SEL1L2: variants seen among roughly 807,000 people sequenced by gnomAD.
The protein encoded by SEL1L2 is SEL1L2 adaptor subunit of SYVN1 ubiquitin ligase, also known as protein sel-1 homolog 2.
Under a neutral mutation model 98.8 loss-of-function variants are expected in SEL1L2, and 89 were observed. The ratio of observed to expected loss-of-function variants is 0.90; its 90% CI spans 0.76 to 1.07. The LOEUF (loss-of-function observed/expected upper bound fraction) is 1.07, where lower values mean the gene tolerates loss of function less well. Ranked by LOEUF, SEL1L2 falls within the 50% of genes least tolerant of loss-of-function variation. The pLI, the probability that SEL1L2 is intolerant of heterozygous loss-of-function variation, is 0.00. For synonymous variants in SEL1L2, 262 were observed against 278.5 expected, an observed-to-expected ratio of 0.94 and a Z score of 0.59; for missense variants, 788 against 812.0, an observed-to-expected ratio of 0.97 and a Z score of 0.36.
chr20:13,902,896 T>C (rs1387994601), intron 5 of SEL1L2, among the ~76,000 whole-genome samples: 2 of 151,980 alleles, frequency 1.3e-5, no homozygotes, highest in Non-Finnish European at 2.9e-5. Context: ...GGCGGGCGGA[T>C]CATGAGGTCA....
At chr20:13,851,448 G>T (rs1221995646) in intron 18 of SEL1L2, 1 of 152,148 alleles carries the variant, frequency 6.6e-6, no homozygotes, top group East Asian at 1.9e-4. Flanking sequence ...TACGCAGTAG[G>T]TCTTTGATAA....
At chr20:13,957,129 G>A (rs2050577057) in intron 1 of SEL1L2, among the ~76,000 whole-genome samples, 1 of 150,560 alleles carries the variant, frequency 6.6e-6, no homozygotes, top group South Asian at 2.1e-4. Context: ...TGGACACAGA[G>A]TCTCACTCTG....
chr20:13,864,442 A>T (rs1368083323), intron 17 of SEL1L2, among the ~76,000 whole-genome samples: 3 of 152,202 alleles, frequency 2.0e-5, no homozygotes, highest in African/African-American at 2.4e-5. Context: ...ACATATCCAA[A>T]TGCCAATGGT....
chr20:13,915,181 G>A lies in SEL1L2; in HGVS notation c.387-1237C>T, dbSNP rs1201990258. 3.9e-6 allele frequency: 5 copies of A among 1,289,632 alleles called. No individual in the cohort carries two copies. In the South Asian group the frequency reaches 6.2e-5, roughly 16 times the overall value. The allele number at this position is 1,289,632 out of a possible 1,614,324, so 79.9% of individuals were successfully genotyped here. ...AAGCTGCTCTTGGGCAGAAGCTGGAGCAGAGTAGTCCAGGCAAGAAGGACC... is the reference window on the plus strand; with the variant it reads ...AAGCTGCTCTTGGGCAGAAGCTGGAACAGAGTAGTCCAGGCAAGAAGGACC... On this transcript the variant is annotated intron_variant, in intron 4 of 19. Coordinates refer to ENST00000284951, the MANE Select transcript of SEL1L2 (RefSeq NM_025229.2).
chr20:13,920,118 C>T (rs921284999), intron 3 of SEL1L2, among the ~76,000 whole-genome samples: 1 of 148,940 alleles, frequency 6.7e-6, no homozygotes, highest in Non-Finnish European at 1.5e-5. Context: ...GTCCCAGTTA[C>T]TTGGGAGGCT....
chr20:13,928,368 T>G lies in SEL1L2; in HGVS notation c.283+3235A>C, dbSNP rs546815043. 2.0e-5 allele frequency: 3 copies of G among 152,384 alleles called. No homozygotes were observed. In the East Asian group the frequency reaches 5.8e-4, roughly 29 times the overall value. 9.4% of individuals were successfully genotyped at this position (152,384 alleles called of 1,614,324 possible). On this transcript the variant is annotated intron_variant, in intron 3 of 19. Transcript: ENST00000284951. ...GGAGGGGGTGTTTACCAGCCACGAA[T>G]GCTTGTTAAGACATGACCCCAGGCC...
chr20:13,966,509 G>A (rs1169188197), intron 1 of SEL1L2, among the ~76,000 whole-genome samples: 2 of 152,074 alleles, frequency 1.3e-5, no homozygotes, highest in African/African-American at 4.8e-5. Flanking sequence ...TAGTAGAGAC[G>A]AGGTTTCACT....
At chr20:13,955,978 A>G (rs904761628) in intron 2 of SEL1L2, 98 bp downstream of exon 2, 26 of 695,504 alleles carry the variant, frequency 3.7e-5, no homozygotes, top group Middle Eastern at 3.5e-4. Flanking sequence ...TTAAAAAAAA[A>G]AGAGACAATA....
At chr20:13,935,787 G>C (rs1020245481) in intron 2 of SEL1L2, among the ~76,000 whole-genome samples, 2 of 152,202 alleles carry the variant, frequency 1.3e-5, no homozygotes, top group African/African-American at 4.8e-5. Flanking sequence ...TCTGGCTCAT[G>C]TGTGGAGAAT....
intron 18 of SEL1L2, among the ~76,000 whole-genome samples, chr20:13,850,801 G>A (rs541460632): frequency 3.3e-5 from 5 of 152,290 alleles, no homozygotes; most frequent in African/African-American, 9.6e-5. Flanking sequence ...TACAGAAACC[G>A]TGAGATAATA....
intron 3 of SEL1L2, among the ~76,000 whole-genome samples, chr20:13,923,007 G>A (rs909479054): frequency 7.2e-5 from 11 of 152,132 alleles, no homozygotes; most frequent in African/African-American, 2.7e-4. Flanking sequence ...ACAGGGCTGG[G>A]CTGTTACATC....
chr20:13,882,714 C>A (rs2147954720), intron 10 of SEL1L2, among the ~76,000 whole-genome samples: 1 of 151,642 alleles, frequency 6.6e-6, no homozygotes, highest in Admixed American at 6.6e-5. Flanking sequence ...CTGCCAAAAT[C>A]ATGAATTAAA....
chr20:13,859,357 C>A lies in SEL1L2; in HGVS notation c.1723G>T (p.Ala575Ser). The A allele has an allele frequency of 6.2e-7, 1 of 1,614,114 alleles. No homozygotes were observed. Among genetic ancestry groups the A allele is most frequent in the South Asian group, 1.1e-5 (1 of 91,084 alleles). ...TTGGCTGCAATGCTGTAGTGTGTGG[C>A]TGCTGTTTGATAGTCTTTCTTAGTC... ...YGTKKDYQTA[A>S]THYSIAANKY... The change falls in exon 18 of 20, where the codon GCC (alanine) becomes TCC (serine). Residue 575 changes from alanine (A) to serine (S), a missense_variant. Physicochemically the swap from Ala to Ser is moderately conservative, Grantham distance 99. Coordinates refer to ENST00000284951, the MANE Select transcript of SEL1L2 (RefSeq NM_025229.2).
chr20:13,881,025 T>C (rs1157074493), intron 10 of SEL1L2, among the ~76,000 whole-genome samples: 1 of 152,228 alleles, frequency 6.6e-6, no homozygotes, highest in African/African-American at 2.4e-5. Flanking sequence ...TATATGTATT[T>C]TCTTTTTGAG....
At chr20:13,932,849 C>T (rs900708984) in intron 2 of SEL1L2, among the ~76,000 whole-genome samples, 2 of 151,930 alleles carry the variant, frequency 1.3e-5, no homozygotes, top group Non-Finnish European at 2.9e-5. Flanking sequence ...GAGGTGGTAG[C>T]AAAGACATCA....
chr20:13,954,646 C>T (rs1246879286), intron 2 of SEL1L2, among the ~76,000 whole-genome samples: 7 of 151,960 alleles, frequency 4.6e-5, no homozygotes, highest in African/African-American at 1.5e-4. Context: ...GGGCCTATTC[C>T]CATCTTTACT....
intron 5 of SEL1L2, among the ~76,000 whole-genome samples, 183 bp from the exon 6 acceptor site, chr20:13,888,695 G>C (rs2148004444): frequency 8.0e-6 from 1 of 124,974 alleles, no homozygotes; most frequent in African/African-American, 3.1e-5. Flanking sequence ...CTGAAGTGCA[G>C]TGGCGAGATC....
rs2048297400 is a variant in SEL1L2 at position 13,913,818 on chromosome 20, C to G, written c.513G>C (p.Glu171Asp). ...QNITAAIQLY[E>D]SLAKEGSCKA... ...TACATGATCCTTCTTTAGCCAAGGA[C>G]TCATATAATTGGATAGCTGCTGTTA... Residue 171 changes from glutamate to aspartate, a missense_variant, in exon 5 of 20, where the codon GAG becomes GAC. Physicochemically the swap from Glu to Asp is conservative, Grantham distance 45 (BLOSUM62 2). Coordinates refer to ENST00000284951, the MANE Select transcript of SEL1L2 (RefSeq NM_025229.2). 1.3e-6 allele frequency: 2 copies of G among 1,545,680 alleles called. No individual in the cohort carries two copies. The highest frequency in any genetic ancestry group is 1.3e-5 in the South Asian group (1 of 77,378).
chr20:13,929,743 T>A (rs1360088759), intron 3 of SEL1L2, among the ~76,000 whole-genome samples: 1 of 151,264 alleles, frequency 6.6e-6, no homozygotes, highest in Non-Finnish European at 1.5e-5. Flanking sequence ...CTCGTGATCC[T>A]CCCGCCTTGG....
Sources: gnomAD v4.1 joint callset for allele counts (sites outside exome capture counted in the v4.1 genomes callset) on GRCh38, gnomAD v4.1.1 for gene constraint, MANE v1.5 for transcripts, NCBI Gene and HGNC (gene_info 2026-07-23, HGNC 2026-07-21) for gene names.